Variants in SLC44A5 observed in about 807,000 individuals in gnomAD.
The protein encoded by SLC44A5 is solute carrier family 44 member 5.
Under a neutral mutation model 101.8 loss-of-function variants are expected in SLC44A5, and 57 were observed. That is an observed-to-expected ratio of 0.56 (90% CI 0.45 to 0.70). SLC44A5 has a LOEUF of 0.70. Among genes scored for constraint, SLC44A5 ranks in the 30% least tolerant of loss-of-function variants. SLC44A5 has a pLI of 0.00. For missense variants in SLC44A5, 737 were observed against 853.1 expected (o/e 0.86, Z 1.70); for synonymous variants, 281 against 290.9 (o/e 0.97, Z 0.35).
At position 75,218,829 on chromosome 1, in the gene SLC44A5, TC is replaced by T. The variant is rs1213401435; in HGVS notation, c.1267-78del. On this transcript the variant is annotated intron_variant, in intron 16 of 23. Coordinates refer to ENST00000370859, the MANE Select transcript of SLC44A5 (RefSeq NM_001130058.2). ...ATAACAACTCCCTGTGTTTTCCTCT[TC>T]CCCTTAATTGCATATCCTGTTGTTT... 24 of 1,375,524 alleles carry T rather than the reference TC, an allele frequency of 1.7e-5. No individual in the cohort carries two copies. In the East Asian group the frequency reaches 5.2e-4, roughly 30 times the overall value. 85.2% of individuals were successfully genotyped at this position (1,375,524 alleles called of 1,614,324 possible).
intron 2 of SLC44A5, among the ~76,000 whole-genome samples, chr1:75,439,344 G>A (rs768023173): frequency 2.0e-5 from 3 of 151,992 alleles, no homozygotes; most frequent in Non-Finnish European, 4.4e-5. Flanking sequence ...GTGGTAACAT[G>A]TGGTAAAAAA....
At chr1:75,347,372 T>C (rs1006708329) in intron 3 of SLC44A5, among the ~76,000 whole-genome samples, 1 of 152,142 alleles carries the variant, frequency 6.6e-6, no homozygotes, top group African/African-American at 2.4e-5. Context: ...AAAGAAAACA[T>C]GTTTTAGTGC....
the SLC44A5 span, among the ~76,000 whole-genome samples, chr1:75,639,680 A>T: frequency 6.6e-6 from 1 of 152,092 alleles, no homozygotes; most frequent in African/African-American, 2.4e-5. Context: ...GCTCTTAGCC[A>T]TGTGTGTTTT....
intron 6 of SLC44A5, among the ~76,000 whole-genome samples, chr1:75,271,497 T>TTTTTTTTTGTGTGTG (rs1553152601): frequency 1.4e-5 from 2 of 146,304 alleles, no homozygotes; most frequent in African/African-American, 5.1e-5. Flanking sequence ...TCTGCATGTT[T>TTTTTTTTTGTGTGTG]TGTGTGTGTG....
chr1:75,425,711 G>A (rs1664270180), intron 2 of SLC44A5, among the ~76,000 whole-genome samples: 1 of 152,176 alleles, frequency 6.6e-6, no homozygotes, highest in Non-Finnish European at 1.5e-5. Flanking sequence ...GAATTATTTG[G>A]AGAGGTCAAG....
intron 2 of SLC44A5, among the ~76,000 whole-genome samples, chr1:75,507,169 A>G (rs1027387842): frequency 6.6e-6 from 1 of 152,036 alleles, no homozygotes; most frequent in African/African-American, 2.4e-5. Context: ...ATTCAGTATG[A>G]TGTTGGCAAT....
chr1:75,559,428 T>G (rs1672396516), intron 1 of SLC44A5, among the ~76,000 whole-genome samples: 1 of 152,132 alleles, frequency 6.6e-6, no homozygotes, highest in South Asian at 2.1e-4. Flanking sequence ...AAGCTCTGGC[T>G]ATCATGGTCA....
intron 11 of SLC44A5, among the ~76,000 whole-genome samples, chr1:75,235,662 C>A (rs1374494385): frequency 6.6e-6 from 1 of 151,972 alleles, no homozygotes; most frequent in African/African-American, 2.4e-5. Context: ...GCTCTAAACA[C>A]CACACACTAG....
At position 75,211,483 on chromosome 1, in the gene SLC44A5, T is replaced by C. The variant is rs1646851620; in HGVS notation, c.2032A>G (p.Ile678Val). The C allele has an allele frequency of 3.1e-6, 5 of 1,611,988 alleles. No individual in the cohort carries two copies. Among genetic ancestry groups the C allele is most frequent in the Non-Finnish European group, 4.2e-6 (5 of 1,178,734 alleles). Reference protein sequence around the residue: ...FSVYAMCVETIFICFLEDLER... With the variant: ...FSVYAMCVETVFICFLEDLER... The stretch of plus-strand genomic sequence containing the variant: ...GAATACTCACAGAAGCAGATGAAAA[T>C]TGTTTCAACACACATTGCATAGACG... Residue 678 changes from isoleucine (I) to valine (V), a missense_variant, in exon 23 of 24, where the codon ATT becomes GTT. Transcript: ENST00000370859.
intron 1 of SLC44A5, among the ~76,000 whole-genome samples, chr1:75,598,335 A>G (rs538828851): frequency 9.1e-4 from 139 of 152,340 alleles, no homozygotes; most frequent in Admixed American, 3.6e-3. Context: ...AGGAGTGTAA[A>G]TTAGTTCAAC....
intron 23 of SLC44A5, among the ~76,000 whole-genome samples, chr1:75,211,041 C>T (rs763836850): frequency 6.6e-5 from 10 of 152,076 alleles, no homozygotes; most frequent in South Asian, 2.1e-4. Flanking sequence ...AGAATACTAA[C>T]GAGCTTAGCA....
intron 2 of SLC44A5, among the ~76,000 whole-genome samples, chr1:75,495,765 C>G (rs1668640341): frequency 6.6e-6 from 1 of 152,016 alleles, no homozygotes; most frequent in Non-Finnish European, 1.5e-5. Context: ...GAGGCAATCT[C>G]TGTAAAAATG....
chr1:75,633,373 C>G, the SLC44A5 span, among the ~76,000 whole-genome samples: 10 of 152,010 alleles, frequency 6.6e-5, no homozygotes, highest in Admixed American at 1.3e-4. Context: ...TCTTCCATTT[C>G]TTTGTATCCT....
chr1:75,291,161 A>G (rs1013869754), intron 5 of SLC44A5, among the ~76,000 whole-genome samples: 71 of 152,286 alleles, frequency 4.7e-4, no homozygotes, highest in African/African-American at 1.7e-3. Context: ...GTTTCTGATT[A>G]TTCTAAGTCA....
At chr1:75,720,926 GTTAAGT>G in the SLC44A5 span, among the ~76,000 whole-genome samples, 1 of 152,130 alleles carries the variant, frequency 6.6e-6, no homozygotes, top group African/African-American at 2.4e-5. Context: ...CTGACACTTG[GTTAAGT>G]TTATCTAAAG....
chr1:75,557,729 T>G (rs1672299212), intron 1 of SLC44A5, among the ~76,000 whole-genome samples: 1 of 152,148 alleles, frequency 6.6e-6, no homozygotes, highest in African/African-American at 2.4e-5. Flanking sequence ...TGTAGTATAC[T>G]TAGTGTCTGT....
At chr1:75,324,990 T>A (rs943996344) in intron 4 of SLC44A5, among the ~76,000 whole-genome samples, 13 of 152,186 alleles carry the variant, frequency 8.5e-5, no homozygotes, top group African/African-American at 3.1e-4. Flanking sequence ...CCAGGTCTTG[T>A]ACTAGGGGAT....
intron 2 of SLC44A5, among the ~76,000 whole-genome samples, chr1:75,427,965 C>A (rs2101585749): frequency 6.6e-6 from 1 of 152,276 alleles, no homozygotes; most frequent in East Asian, 1.9e-4. Flanking sequence ...CTAGGTCTGG[C>A]CAATGAACCA....
the SLC44A5 span, among the ~76,000 whole-genome samples, chr1:75,658,940 A>C: frequency 6.6e-6 from 1 of 152,074 alleles, no homozygotes; most frequent in Non-Finnish European, 1.5e-5. Context: ...TGAAAAAGGA[A>C]ATATTACAAC....
Sources: gnomAD v4.1 joint callset for allele counts (sites outside exome capture counted in the v4.1 genomes callset) on GRCh38, gnomAD v4.1.1 for gene constraint, MANE v1.5 for transcripts, NCBI Gene and HGNC (gene_info 2026-07-23, HGNC 2026-07-21) for gene names.